TNS4: variants seen among roughly 807,000 people sequenced by gnomAD.
TNS4 encodes tensin 4, also known as tensin-4.
Under a neutral mutation model 70.4 loss-of-function variants are expected in TNS4, and 46 were observed. The ratio of observed to expected loss-of-function variants is 0.65; its 90% confidence interval spans 0.52 to 0.84. The LOEUF (loss-of-function observed/expected upper bound fraction) is 0.84. TNS4 is among the 40% of genes least tolerant of loss of function. TNS4 has a pLI of 0.00. For missense variants in TNS4, 863 were observed against 907.0 expected (o/e 0.95, Z 0.62); for synonymous variants, 390 against 366.6 (o/e 1.06, Z -0.73).
chr17:40,479,558 C>G (rs1012855667), intron 10 of TNS4, 116 bp downstream of exon 10: 21 of 1,347,326 alleles, frequency 1.6e-5, no homozygotes, highest in Non-Finnish European at 2.0e-5. Context: ...ACTGGCCCCG[C>G]TGGGTCATCC....
chr17:40,487,104 T>C lies in TNS4; in HGVS notation c.1220A>G (p.Asn407Ser). Residue 407 changes from asparagine to serine, a missense_variant, in exon 4 of 13, where the codon AAC (asparagine) becomes AGC (serine). Physicochemically the swap from Asn to Ser is conservative, Grantham distance 46. Coordinates refer to ENST00000254051, the MANE Select transcript of TNS4 (RefSeq NM_032865.6). The stretch of plus-strand genomic sequence containing the variant: ...GTTGCTCCTGGTGGCTGGACAGGGG[T>C]TGCTGGGAGAAGCAGCTCCAGGTTG... The part of the protein sequence containing the change: ...SVQPGAASPS[N>S]PCPATRSNSQ... 1 of 1,614,038 alleles carries C rather than the reference T, an allele frequency of 6.2e-7. No homozygotes were observed. The highest frequency in any genetic ancestry group is 8.5e-7 in the Non-Finnish European group (1 of 1,179,996).
Position 40,480,857 on chromosome 17 carries a change from T to C in TNS4, c.1673-89A>G, listed in dbSNP as rs747003323. 8 of 1,423,544 alleles carry C rather than the reference T, an allele frequency of 5.6e-6. No homozygotes were observed. In the Admixed American group the frequency reaches 1.1e-4, roughly 19 times the overall value. The allele number at this position is 1,423,544 out of a possible 1,614,324, so 88.2% of individuals were successfully genotyped here. ...ACAGGAACAGGCCTCATGAATCCCT[T>C]TGAAGATCTCCCACCTCCACCCCCA... On this transcript the variant is annotated intron_variant, in intron 8 of 12. Coordinates refer to ENST00000254051, the MANE Select transcript of TNS4 (RefSeq NM_032865.6).
rs568425731 is a variant in TNS4 at position 40,487,837 on chromosome 17, C to G, written c.864-377G>C. On this transcript the variant is annotated intron_variant, in intron 3 of 12. Transcript: ENST00000254051. Reference sequence around the variant, plus strand: ...GAGCCCTGCAGATGGGCTGAACCTACGCTGGACCACACCGTGGCTGATGCA... The same window carrying G: ...GAGCCCTGCAGATGGGCTGAACCTAGGCTGGACCACACCGTGGCTGATGCA... Among the ~76,000 whole-genome samples, 4 of 152,312 alleles carry G rather than the reference C, an allele frequency of 2.6e-5. No homozygotes were observed. In the South Asian group the frequency reaches 6.2e-4, roughly 24 times the overall value.
At position 40,482,333 on chromosome 17, in the gene TNS4, G is replaced by C. The variant is rs1304880096; in HGVS notation, c.1585C>G (p.Pro529Ala). The C allele has an allele frequency of 1.2e-6, 2 of 1,614,124 alleles. No individual in the cohort carries two copies. Among genetic ancestry groups the C allele is most frequent in the South Asian group, 2.2e-5 (2 of 91,084 alleles). ...GVHLKGADEEPYFGSLSAFVC... is the reference protein window; with the variant it reads ...GVHLKGADEEAYFGSLSAFVC... ...GGCTGGGGAGTCTCACCAAAGTAGG[G>C]CTCCTCATCTGCTCCTTTGAGATGC... The change falls in exon 7 of 13, where the codon CCC (proline) becomes GCC (alanine). Residue 529 changes from proline to alanine, a missense_variant. Physicochemically the swap from Pro to Ala is conservative, Grantham distance 27. Coordinates refer to ENST00000254051, the MANE Select transcript of TNS4 (RefSeq NM_032865.6).
intron 2 of TNS4, 115 bp from the exon 3 acceptor site, chr17:40,489,084 A>T: frequency 9.9e-7 from 1 of 1,012,522 alleles, no homozygotes; most frequent in Non-Finnish European, 1.4e-6. Context: ...AGAGACGAGG[A>T]CACTGAGGCC....
intron 2 of TNS4, among the ~76,000 whole-genome samples, chr17:40,492,908 A>G (rs970402619): frequency 3.9e-5 from 6 of 152,120 alleles, no homozygotes; most frequent in East Asian, 1.9e-4. Flanking sequence ...TTAGCTGGGC[A>G]TAGTGGTGGG....
intron 4 of TNS4, among the ~76,000 whole-genome samples, chr17:40,485,476 T>C (rs994805486): frequency 6.6e-6 from 1 of 152,242 alleles, no homozygotes; most frequent in South Asian, 2.1e-4. Flanking sequence ...ATAGCAGATC[T>C]GGGCAGAAAA....
chr17:40,481,641 C>G (rs2035923019), intron 8 of TNS4, among the ~76,000 whole-genome samples: 1 of 152,246 alleles, frequency 6.6e-6, no homozygotes, highest in Admixed American at 6.5e-5. Context: ...GCTGGGATTA[C>G]AGGCGTGAGT....
chr17:40,494,812 C>A (rs552896251), intron 2 of TNS4, among the ~76,000 whole-genome samples: 27 of 152,002 alleles, frequency 1.8e-4, no homozygotes, highest in African/African-American at 6.0e-4. Context: ...CAGCACAGTG[C>A]CTGATATGTG....
intron 3 of TNS4, among the ~76,000 whole-genome samples, chr17:40,487,909 A>G (rs187716492): frequency 1.5e-3 from 227 of 152,350 alleles, no homozygotes; most frequent in African/African-American, 5.2e-3. Flanking sequence ...ACATCCAGCC[A>G]GACTTCTTCC....
chr17:40,490,273 T>C (rs879848877), intron 2 of TNS4, among the ~76,000 whole-genome samples: 1 of 152,206 alleles, frequency 6.6e-6, no homozygotes, highest in Non-Finnish European at 1.5e-5. Flanking sequence ...TGAGGCCTTG[T>C]TCCTCTCCCG....
In TNS4 at chr17:40,477,382, T is replaced by C; in HGVS notation, c.*206A>G. ...CTTGTCTATTGGTCTTCTTCTATGA[T>C]TGAGGAAACTGAGGCCCGGGGGGTC... On this transcript the variant is annotated 3_prime_UTR_variant, in exon 13 of 13. Coordinates refer to ENST00000254051, the MANE Select transcript of TNS4 (RefSeq NM_032865.6). The C allele has an allele frequency of 1.8e-6, 1 of 560,186 alleles. No individual in the cohort carries two copies. Among genetic ancestry groups the C allele is most frequent in the Non-Finnish European group, 3.1e-6 (1 of 321,948 alleles). The allele number at this position is 560,186 out of a possible 1,614,324, so 34.7% of individuals were successfully genotyped here. A position where few individuals can be genotyped will look rare whatever the true frequency, so the allele number is the denominator to read the frequency against.
Position 40,496,100 on chromosome 17 carries a change from A to T in TNS4, c.326T>A (p.Ile109Asn). 6.2e-7 allele frequency: 1 copy of T among 1,612,018 alleles called. No homozygotes were observed. Among genetic ancestry groups the T allele is most frequent in the Non-Finnish European group, 8.5e-7 (1 of 1,179,244 alleles). Residue 109 changes from isoleucine to asparagine, a missense_variant, in exon 2 of 13, where the codon ATC becomes AAC. Coordinates refer to ENST00000254051, the MANE Select transcript of TNS4 (RefSeq NM_032865.6). ...CTGGAAGGTGGGGTCCAGTTCCAGGATCATCTGATTGAGGCTCTCCAGTGA... is the reference window on the plus strand; with the variant it reads ...CTGGAAGGTGGGGTCCAGTTCCAGGTTCATCTGATTGAGGCTCTCCAGTGA... The part of the protein sequence containing the change: ...DFSLESLNQM[I>N]LELDPTFQLL...
intron 8 of TNS4, among the ~76,000 whole-genome samples, chr17:40,481,089 CTT>C (rs974511956): frequency 3.9e-5 from 6 of 152,172 alleles, no homozygotes; most frequent in African/African-American, 1.4e-4. Flanking sequence ...CCTGACCTGT[CTT>C]TGCAGAAAGC....
chr17:40,483,519 T>C (rs1286198319), intron 6 of TNS4, among the ~76,000 whole-genome samples: 1 of 152,108 alleles, frequency 6.6e-6, no homozygotes, highest in African/African-American at 2.4e-5. Context: ...TCTTAATTAT[T>C]TAGATAAATG....
intron 1 of TNS4, among the ~76,000 whole-genome samples, chr17:40,496,803 A>G (rs531180886): frequency 2.2e-4 from 33 of 152,244 alleles, no homozygotes; most frequent in Non-Finnish European, 4.9e-4. Context: ...AGTGATCATT[A>G]AATAAAATAA....
In TNS4 at chr17:40,488,633, C is replaced by T. The variant is rs761939549; in HGVS notation, c.776G>A (p.Arg259Gln). 47 of 1,529,046 alleles carry T rather than the reference C, an allele frequency of 3.1e-5. No homozygotes were observed. Among genetic ancestry groups the T allele is most frequent in the Middle Eastern group, 3.5e-4 (2 of 5,680 alleles). The allele number at this position is 1,529,046 out of a possible 1,614,324, so 94.7% of individuals were successfully genotyped here. A position where few individuals can be genotyped will look rare whatever the true frequency, so the allele number is the denominator to read the frequency against. Residue 259 changes from arginine to glutamine, a missense_variant, in exon 3 of 13, where the codon CGG becomes CAG. Coordinates refer to ENST00000254051, the MANE Select transcript of TNS4 (RefSeq NM_032865.6). ...CCGCTGTGGGGCCAGGCCTCCCAGC[C>T]GCTTCTCCAGTCTTGGAGAAGCCAC... ...PLVASPRLEK[R>Q]LGGLAPQRGS...
intron 2 of TNS4, among the ~76,000 whole-genome samples, chr17:40,491,178 C>T (rs567496429): frequency 6.6e-6 from 1 of 152,296 alleles, no homozygotes; most frequent in East Asian, 1.9e-4. Context: ...TATAATAGCC[C>T]TTGAGCAGGG....
rs1320437718 is a variant in TNS4 at position 40,488,817 on chromosome 17, T to A, written c.592A>T (p.Ser198Cys). 1 of 1,612,696 alleles carries A rather than the reference T, an allele frequency of 6.2e-7. No individual in the cohort carries two copies. Among genetic ancestry groups the A allele is most frequent in the Admixed American group, 1.7e-5 (1 of 59,882 alleles). ...TTCCCAGAGAAGATGAGGCTCTCAC[T>A]GCTGCTTCGTGTCTCTCGGGGGACG... ...RDVPRETRSS[S>C]ESLIFSGNQG... Residue 198 changes from serine (S) to cysteine (C), a missense_variant, in exon 3 of 13, where the codon AGT (serine) becomes TGT (cysteine). Ser to Cys is a moderately radical substitution (Grantham distance 112). Coordinates refer to ENST00000254051, the MANE Select transcript of TNS4 (RefSeq NM_032865.6).
Sources: allele counts gnomAD v4.1 joint callset (sites outside exome capture counted in the v4.1 genomes callset), GRCh38; gene constraint gnomAD v4.1.1; transcripts MANE v1.5; gene names NCBI Gene and HGNC (gene_info 2026-07-23, HGNC 2026-07-21).